PAPOLA: variants seen among roughly 807,000 people sequenced by gnomAD.
PAPOLA encodes the protein polynucleotide adenylyltransferase alpha.
Under a neutral mutation model 100.6 loss-of-function variants are expected in PAPOLA, and 15 were observed. The observed-to-expected ratio is 0.15, with a 90% CI of 0.10 to 0.23. The LOEUF (loss-of-function observed/expected upper bound fraction) is 0.23. Among genes scored for constraint, PAPOLA ranks in the 10% least tolerant of loss-of-function variants. The pLI, the probability that PAPOLA is intolerant of heterozygous loss-of-function variation, is 1.00. For synonymous variants in PAPOLA, 293 were observed against 300.0 expected (o/e 0.98, Z 0.24); for missense variants, 533 against 884.2 (o/e 0.60, Z 5.04).
chr14:96,522,195 C>T (rs571201938), intron 3 of PAPOLA, among the ~76,000 whole-genome samples: 27 of 131,642 alleles, frequency 2.1e-4, no homozygotes, highest in Admixed American at 8.1e-4. Flanking sequence ...CATCTTGGTT[C>T]GCTGCAACCT....
intron 15 of PAPOLA, among the ~76,000 whole-genome samples, 184 bp downstream of exon 15, chr14:96,544,442 A>G (rs1900227057): frequency 6.6e-6 from 1 of 152,014 alleles, no homozygotes; most frequent in Admixed American, 6.6e-5. Flanking sequence ...AATGCTTGGG[A>G]CCAGAAGTGT....
At chr14:96,541,543 T>C (rs938718647) in intron 12 of PAPOLA, among the ~76,000 whole-genome samples, 1 of 152,192 alleles carries the variant, frequency 6.6e-6, no homozygotes, top group Non-Finnish European at 1.5e-5. Context: ...AAATAGTTTG[T>C]TTTAAAAAGA....
chr14:96,506,496 A>G (rs1264541749), intron 1 of PAPOLA, among the ~76,000 whole-genome samples: 1 of 152,234 alleles, frequency 6.6e-6, no homozygotes, highest in Non-Finnish European at 1.5e-5. Context: ...AAATGAGAAT[A>G]AAGCAAGTCT....
Position 96,562,845 on chromosome 14 carries a change from A to C in PAPOLA, c.2094A>C (p.Thr698=). The change falls in exon 21 of 22, where the codon ACA becomes ACC. Residue 698 remains threonine, a synonymous_variant. Transcript: ENST00000216277. ...AACAACTTGATACAGAGACAAGTAC[A>C]ACTCAATCAGAAACTATTCAGACAG... ...AKEQLDTETS[T]TQSETIQTAA... 6.2e-7 allele frequency: 1 copy of C among 1,612,110 alleles called. No homozygotes were observed. Among genetic ancestry groups the C allele is most frequent in the East Asian group, 2.2e-5 (1 of 44,842 alleles).
chr14:96,549,249 AT>A lies in PAPOLA; in HGVS notation c.1521+1348del, dbSNP rs764364872. ...AAGGTTTAAACATGATGTTATTCTA[AT>A]TTTTTTTTTTTTTTTTGAGACGGAG... On this transcript the variant is annotated intron_variant, in intron 16 of 21. Transcript: ENST00000216277. 4.3e-3 allele frequency among the ~76,000 whole-genome samples: 607 copies of A among 140,018 alleles called. 2 individuals are homozygous for A. Among genetic ancestry groups the A allele is most frequent in the Non-Finnish European group, 5.1e-3 (322 of 63,746 alleles). 91.9% of individuals were successfully genotyped at this position (140,018 alleles called of 152,430 possible).
intron 3 of PAPOLA, among the ~76,000 whole-genome samples, chr14:96,522,499 C>T (rs1898088268): frequency 6.6e-6 from 1 of 152,012 alleles, no homozygotes; most frequent in South Asian, 2.1e-4. Flanking sequence ...TATCCTCCAC[C>T]TCCCGGGCTC....
intron 1 of PAPOLA, among the ~76,000 whole-genome samples, chr14:96,513,576 A>ATG (rs1379494556): frequency 6.6e-6 from 1 of 152,192 alleles, no homozygotes; most frequent in Non-Finnish European, 1.5e-5. Flanking sequence ...TTTTAAAATG[A>ATG]TGTAACAAGT....
chr14:96,546,807 G>A (rs1442808311), intron 15 of PAPOLA, among the ~76,000 whole-genome samples: 2 of 152,118 alleles, frequency 1.3e-5, no homozygotes, highest in Non-Finnish European at 2.9e-5. Flanking sequence ...GCACATAAGG[G>A]ATTATGGATT....
chr14:96,544,781 T>TC (rs1278640523), intron 15 of PAPOLA, among the ~76,000 whole-genome samples: 3 of 152,080 alleles, frequency 2.0e-5, no homozygotes, highest in African/African-American at 7.2e-5. Context: ...ACTGCCTTCA[T>TC]CATCTTGAAC....
intron 20 of PAPOLA, 93 bp downstream of exon 20, chr14:96,560,804 G>T: frequency 1.2e-6 from 1 of 865,650 alleles, no homozygotes; most frequent in Non-Finnish European, 1.9e-6. Flanking sequence ...TTGTGCTATA[G>T]GTTTTAGATT....
At chr14:96,506,503 G>A (rs182868165) in intron 1 of PAPOLA, among the ~76,000 whole-genome samples, 41 of 152,302 alleles carry the variant, frequency 2.7e-4, no homozygotes, top group African/African-American at 7.0e-4. Context: ...AATAAAGCAA[G>A]TCTGTCACTC....
chr14:96,542,978 A>G (rs1473809575), intron 14 of PAPOLA, 85 bp downstream of exon 14: 6 of 1,394,456 alleles, frequency 4.3e-6, no homozygotes, highest in Admixed American at 3.9e-5. Flanking sequence ...TATAACTAGT[A>G]TAACTATTCT....
intron 19 of PAPOLA, among the ~76,000 whole-genome samples, chr14:96,556,709 C>T (rs1000124762): frequency 1.3e-5 from 2 of 152,182 alleles, no homozygotes; most frequent in East Asian, 3.8e-4. Flanking sequence ...GTATTCTTAA[C>T]TTATTATTCT....
intron 16 of PAPOLA, 112 bp from the exon 17 acceptor site, chr14:96,552,368 T>G (rs549096523): frequency 3.0e-6 from 3 of 984,242 alleles, no homozygotes; most frequent in Non-Finnish European, 4.5e-6. Flanking sequence ...TTTCGTAGAT[T>G]TAGTGATCTG....
At chr14:96,522,116 CTTT>C (rs754167531) in intron 3 of PAPOLA, among the ~76,000 whole-genome samples, 2 of 57,842 alleles carry the variant, frequency 3.5e-5, no homozygotes, top group African/African-American at 1.5e-4. Flanking sequence ...TTCTTTCTTT[CTTT>C]TTTTTTTTTT....
At chr14:96,541,206 C>T (rs552733980) in intron 12 of PAPOLA, among the ~76,000 whole-genome samples, 80 of 152,236 alleles carry the variant, frequency 5.3e-4, no homozygotes, top group South Asian at 1.5e-3. Context: ...GTTTCAAATA[C>T]ATTTTTTTAA....
chr14:96,534,642 A>T, intron 10 of PAPOLA, 79 bp downstream of exon 10: 5 of 1,606,876 alleles, frequency 3.1e-6, no homozygotes, highest in Non-Finnish European at 8.5e-7. Context: ...CTCCAGGGAG[A>T]CTTCCAGCCT....
chr14:96,546,855 T>A (rs1900431117), intron 15 of PAPOLA, among the ~76,000 whole-genome samples: 1 of 152,162 alleles, frequency 6.6e-6, no homozygotes, highest in African/African-American at 2.4e-5. Flanking sequence ...TTTTCTTGTT[T>A]CTCAAATGTT....
At chr14:96,527,339 C>T in intron 4 of PAPOLA, 91 bp from the exon 5 acceptor site, 1 of 763,162 alleles carries the variant, frequency 1.3e-6, no homozygotes, top group East Asian at 2.6e-5. Context: ...GTATGTTAAA[C>T]AGATTCTCAA....
Sources: allele counts gnomAD v4.1 joint callset (sites outside exome capture counted in the v4.1 genomes callset), GRCh38; gene constraint gnomAD v4.1.1; transcripts MANE v1.5; gene names NCBI Gene and HGNC (gene_info 2026-07-23, HGNC 2026-07-21).